INPP5A: variants seen among roughly 807,000 people sequenced by gnomAD.
INPP5A encodes the protein inositol polyphosphate-5-phosphatase A.
Under a neutral mutation model 65.2 loss-of-function variants are expected in INPP5A, and 14 were observed. That is an observed-to-expected ratio of 0.21 (90% CI 0.14 to 0.34). The LOEUF (loss-of-function observed/expected upper bound fraction) is 0.34, where lower values mean the gene tolerates loss of function less well. Among genes scored for constraint, INPP5A ranks in the 10% least tolerant of loss-of-function variants. The pLI, the probability that INPP5A is intolerant of heterozygous loss-of-function variation, is 1.00. For missense variants in INPP5A, 431 were observed against 545.6 expected, an observed-to-expected ratio of 0.79 and a Z score of 2.09; for synonymous variants, 207 against 208.3, an observed-to-expected ratio of 0.99 and a Z score of 0.05.
At position 132,663,639 on chromosome 10, in the gene INPP5A, G is replaced by T. The variant is rs1395072736; in HGVS notation, c.306+13134G>T. Among the ~76,000 whole-genome samples the T allele has an allele frequency of 1.3e-5, 2 of 152,264 alleles. No individual in the cohort carries two copies. The highest frequency in any genetic ancestry group is 4.8e-5 in the African/African-American group (2 of 41,468). On this transcript the variant is annotated intron_variant, in intron 4 of 15. Coordinates refer to ENST00000368594, the MANE Select transcript of INPP5A (RefSeq NM_005539.5). This position sits in a 1 kb window ranked among gnomAD's most constrained non-coding sequence, Gnocchi z 4.5. ...ACTTTCTCTGCACTCTGAGCCGGCA[G>T]GTGCCACTTCTAGCTTCTGGCTGGG... is the stretch of plus-strand genomic sequence containing the variant.
chr10:132,679,471 C>T (rs1415867448), intron 4 of INPP5A, among the ~76,000 whole-genome samples: 3 of 151,986 alleles, frequency 2.0e-5, no homozygotes, highest in East Asian at 1.9e-4. Context: ...ACAGACGGGC[C>T]ACCCCAGCGG....
chr10:132,714,528 C>T (rs1018646355), intron 8 of INPP5A, among the ~76,000 whole-genome samples: 3 of 152,180 alleles, frequency 2.0e-5, no homozygotes, highest in African/African-American at 7.2e-5. Context: ...GCAGCCTCTT[C>T]CTGGTTTAAT....
Position 132,635,801 on chromosome 10 carries a change from C to T in INPP5A, c.118-10067C>T, listed in dbSNP as rs539310115. Among the ~76,000 whole-genome samples the T allele has an allele frequency of 4.0e-5, 6 of 150,462 alleles. No individual in the cohort carries two copies. The South Asian group carries it at 8.4e-4, about 21-fold the overall frequency. On this transcript the variant is annotated intron_variant, in intron 2 of 15. Coordinates refer to ENST00000368594, the MANE Select transcript of INPP5A (RefSeq NM_005539.5). The stretch of plus-strand genomic sequence containing the variant: ...GCAACATAGCAAGATCCCTGTCTCT[C>T]GAAGATTTAAAAAAAAAAAAAATTA...
chr10:132,559,116 C>G (rs991537860), intron 1 of INPP5A, among the ~76,000 whole-genome samples: 2 of 152,244 alleles, frequency 1.3e-5, no homozygotes, highest in Non-Finnish European at 2.9e-5. Flanking sequence ...CACTCACTGC[C>G]TCATGGTCCT....
At chr10:132,648,177 C>G (rs1181198279) in intron 3 of INPP5A, among the ~76,000 whole-genome samples, 4 of 152,250 alleles carry the variant, frequency 2.6e-5, no homozygotes, top group Non-Finnish European at 5.9e-5. Flanking sequence ...TGGGAAGCAC[C>G]TTCCAGAGGA....
intron 7 of INPP5A, among the ~76,000 whole-genome samples, chr10:132,708,923 T>C (rs1477227372): frequency 1.3e-5 from 2 of 152,178 alleles, no homozygotes; most frequent in African/African-American, 4.8e-5. Flanking sequence ...CCCCAACGTG[T>C]CCCTCCAGCC....
Position 132,673,236 on chromosome 10 carries a change from C to T in INPP5A, c.307-17156C>T, listed in dbSNP as rs529890676. ...TCAGTGGGATTGCTGTTTGGTCTCGCGGTGGCAGCATTCTTCCCTCTGGAA... is the reference window on the plus strand; with the variant it reads ...TCAGTGGGATTGCTGTTTGGTCTCGTGGTGGCAGCATTCTTCCCTCTGGAA... On this transcript the variant is annotated intron_variant, in intron 4 of 15. Transcript: ENST00000368594. 8.5e-5 allele frequency among the ~76,000 whole-genome samples: 13 copies of T among 152,282 alleles called. No individual in the cohort carries two copies. In the East Asian group the frequency reaches 9.6e-4, roughly 11 times the overall value.
chr10:132,772,628 G>A (rs1246366108), intron 12 of INPP5A, among the ~76,000 whole-genome samples: 1 of 121,930 alleles, frequency 8.2e-6, no homozygotes, highest in African/African-American at 3.1e-5. Flanking sequence ...GCCACCCCAC[G>A]AAGAGTGGGA....
intron 10 of INPP5A, 43 bp downstream of exon 10, chr10:132,749,655 C>G: frequency 6.2e-7 from 1 of 1,600,450 alleles, no homozygotes; most frequent in Non-Finnish European, 8.6e-7. Context: ...ACGGGGCCTG[C>G]GCAGGACTCT....
intron 2 of INPP5A, among the ~76,000 whole-genome samples, chr10:132,628,573 G>T (rs1428035491): frequency 6.7e-6 from 1 of 149,778 alleles, no homozygotes; most frequent in Non-Finnish European, 1.5e-5. Flanking sequence ...GAAGGAATTT[G>T]TAGAGGCAAA....
intron 11 of INPP5A, among the ~76,000 whole-genome samples, chr10:132,760,076 T>C (rs1846704383): frequency 6.6e-6 from 1 of 152,200 alleles, no homozygotes; most frequent in African/African-American, 2.4e-5. Context: ...AGCCCGGTGC[T>C]CTGCTCTCTG....
chr10:132,606,776 C>A (rs1359966669), intron 1 of INPP5A, among the ~76,000 whole-genome samples: 1 of 152,176 alleles, frequency 6.6e-6, no homozygotes, highest in Non-Finnish European at 1.5e-5. Context: ...AGGCTGAGAC[C>A]AGGGCAGGGG....
chr10:132,655,506 A>G (rs1490341981), intron 4 of INPP5A, among the ~76,000 whole-genome samples: 1 of 152,252 alleles, frequency 6.6e-6, no homozygotes, highest in African/African-American at 2.4e-5. Flanking sequence ...GGGAGCTCCG[A>G]GAACACATCA....
intron 8 of INPP5A, among the ~76,000 whole-genome samples, chr10:132,721,852 G>T (rs1045241056): frequency 6.6e-6 from 1 of 152,202 alleles, no homozygotes; most frequent in African/African-American, 2.4e-5. Context: ...GCCTGCGTCT[G>T]TGGTGCTGGG....
At chr10:132,629,031 C>T (rs1215744676) in intron 2 of INPP5A, among the ~76,000 whole-genome samples, 1 of 152,202 alleles carries the variant, frequency 6.6e-6, no homozygotes, top group East Asian at 1.9e-4. Flanking sequence ...CGTGGCCGCA[C>T]AGATGGCAGG....
Position 132,546,222 on chromosome 10 carries a change from C to T in INPP5A, c.75+8051C>T, listed in dbSNP as rs189671299. Among the ~76,000 whole-genome samples, 26 of 152,322 alleles carry T rather than the reference C, an allele frequency of 1.7e-4. No homozygotes were observed. The highest frequency in any genetic ancestry group is 5.3e-4 in the African/African-American group (22 of 41,568). The stretch of plus-strand genomic sequence containing the variant: ...TTCTGGGGCAGGTCTAGGGTGATGG[C>T]GCTCCCAGCCCGCGGGGGTCTTGGC... On this transcript the variant is annotated intron_variant, in intron 1 of 15. Coordinates refer to ENST00000368594, the MANE Select transcript of INPP5A (RefSeq NM_005539.5). This position sits in a 1 kb window ranked among gnomAD's most constrained non-coding sequence, Gnocchi z 5.7.
chr10:132,717,414 G>A lies in INPP5A; in HGVS notation c.647+6958G>A, dbSNP rs182389569. On this transcript the variant is annotated intron_variant, in intron 8 of 15. Transcript: ENST00000368594. ...AGTGGTTGCTGTGACTCCACCCAGT[G>A]AGCAGCCTGGCTGCCCCAGGCACTT... is the stretch of plus-strand genomic sequence containing the variant. 2.0e-3 allele frequency among the ~76,000 whole-genome samples: 305 copies of A among 151,592 alleles called. 20 individuals are homozygous for A. The highest frequency in any genetic ancestry group is 7.2e-3 in the African/African-American group (295 of 40,836).
At chr10:132,731,746 T>C (rs1233174607) in intron 9 of INPP5A, among the ~76,000 whole-genome samples, 1 of 152,162 alleles carries the variant, frequency 6.6e-6, no homozygotes, top group Non-Finnish European at 1.5e-5. Context: ...TTTCCTCCAG[T>C]GCGGGTTTCC....
At chr10:132,552,783 G>A (rs1425863119) in intron 1 of INPP5A, among the ~76,000 whole-genome samples, 19 of 112,776 alleles carry the variant, frequency 1.7e-4, no homozygotes, top group Admixed American at 1.9e-4. Context: ...GGGAATATTG[G>A]GTAGGATAGG....
Sources: allele counts gnomAD v4.1 joint callset (sites outside exome capture counted in the v4.1 genomes callset), GRCh38; gene constraint gnomAD v4.1.1; non-coding constraint Gnocchi (gnomAD v3.1); transcripts MANE v1.5; gene names NCBI Gene and HGNC (gene_info 2026-07-23, HGNC 2026-07-21).